The following ZFAND6 variants were observed in gnomAD, a reference collection of about 807,000 sequenced individuals.
ZFAND6 encodes zinc finger AN1-type containing 6.
A neutral mutation model predicts 24.5 loss-of-function variants in ZFAND6; 12 were observed. The ratio of observed to expected loss-of-function variants is 0.49; its 90% CI spans 0.31 to 0.79. The LOEUF (loss-of-function observed/expected upper bound fraction) is 0.79, where lower values mean the gene tolerates loss of function less well. Ranked by LOEUF, ZFAND6 falls within the 30% of genes least tolerant of loss-of-function variation. The pLI is 0.04. For missense variants in ZFAND6, 207 were observed against 245.9 expected, an observed-to-expected ratio of 0.84 and a Z score of 1.06; for synonymous variants, 92 against 81.5, an observed-to-expected ratio of 1.13 and a Z score of -0.69.
At chr15:80,089,613 G>A (rs762374523) in intron 1 of ZFAND6, among the ~76,000 whole-genome samples, 6 of 152,006 alleles carry the variant, frequency 3.9e-5, no homozygotes, top group Non-Finnish European at 4.4e-5. Context: ...AAATGAATAT[G>A]TAATCTCTGC....
chr15:80,106,715 TG>T, intron 2 of ZFAND6, among the ~76,000 whole-genome samples: 1 of 152,150 alleles, frequency 6.6e-6, no homozygotes, highest in East Asian at 1.9e-4. Context: ...TCTGAATTTG[TG>T]TAGGTATCTT....
At chr15:80,129,188 G>A (rs1177631609) in intron 5 of ZFAND6, among the ~76,000 whole-genome samples, 1 of 152,282 alleles carries the variant, frequency 6.6e-6, no homozygotes, top group East Asian at 1.9e-4. Flanking sequence ...CCCTCTTGGA[G>A]CTTACATTCT....
chr15:80,087,685 G>A (rs1210953966), intron 1 of ZFAND6, among the ~76,000 whole-genome samples: 1 of 151,960 alleles, frequency 6.6e-6, no homozygotes, highest in African/African-American at 2.4e-5. Flanking sequence ...GTTTTGTTTT[G>A]ACACTACTAT....
chr15:80,129,665 C>G (rs903770840), intron 5 of ZFAND6: 1 of 152,116 alleles, frequency 6.6e-6, no homozygotes, highest in African/African-American at 2.4e-5. Flanking sequence ...TAAATAGGAC[C>G]GATGTCTCCC....
At chr15:80,101,704 A>C (rs1249076504) in intron 2 of ZFAND6, among the ~76,000 whole-genome samples, 1 of 151,742 alleles carries the variant, frequency 6.6e-6, no homozygotes, top group Non-Finnish European at 1.5e-5. Context: ...ATATAACTCC[A>C]CCAAGAAAGA....
At chr15:80,080,063 A>G (rs1353233951) in intron 1 of ZFAND6, among the ~76,000 whole-genome samples, 9 of 150,638 alleles carry the variant, frequency 6.0e-5, no homozygotes, top group East Asian at 5.9e-4. Context: ...CAGTGGTGCA[A>G]TCTCCAGTCA....
chr15:80,118,772 T>A (rs890462213), intron 2 of ZFAND6, among the ~76,000 whole-genome samples: 2 of 152,002 alleles, frequency 1.3e-5, no homozygotes, highest in Admixed American at 1.3e-4. Context: ...TTTTTTTTTT[T>A]AAAGGCAGCT....
intron 6 of ZFAND6, among the ~76,000 whole-genome samples, chr15:80,135,891 A>G (rs971070042): frequency 6.6e-6 from 1 of 152,264 alleles, no homozygotes; most frequent in Non-Finnish European, 1.5e-5. Flanking sequence ...TGGGAGGCCA[A>G]GGTGGGAGGA....
intron 3 of ZFAND6, 125 bp from the exon 4 acceptor site, chr15:80,121,587 A>T (rs1481213106): frequency 1.6e-6 from 1 of 621,988 alleles, no homozygotes; most frequent in Non-Finnish European, 2.5e-6. Flanking sequence ...ATGAACCAAC[A>T]TACTACATAT....
At chr15:80,130,672 T>C (rs892940124) in intron 5 of ZFAND6, 1 of 152,562 alleles carries the variant, frequency 6.6e-6, no homozygotes, top group African/African-American at 2.4e-5. Context: ...ATTTGCCTTA[T>C]TTCTAACATT....
At chr15:80,063,213 A>G (rs1596166279) in intron 1 of ZFAND6, among the ~76,000 whole-genome samples, 1 of 152,322 alleles carries the variant, frequency 6.6e-6, no homozygotes, top group East Asian at 1.9e-4. Context: ...TGGTAGCCAC[A>G]TTATGAAAAA....
chr15:80,066,353 C>T (rs1596175702), intron 1 of ZFAND6, among the ~76,000 whole-genome samples: 1 of 151,604 alleles, frequency 6.6e-6, no homozygotes, highest in South Asian at 2.1e-4. Context: ...CACTCTGTTG[C>T]CCAGGCTGGA....
At position 80,127,983 on chromosome 15, in the gene ZFAND6, G is replaced by A. The variant is rs147872715; in HGVS notation, c.365-3197G>A. Among the ~76,000 whole-genome samples, 21 of 152,266 alleles carry A rather than the reference G, an allele frequency of 1.4e-4. 1 individual carries two copies. The East Asian group carries it at 2.5e-3, about 18-fold the overall frequency. On this transcript the variant is annotated intron_variant, in intron 5 of 6. Coordinates refer to ENST00000261749, the MANE Select transcript of ZFAND6 (RefSeq NM_019006.4). ...GGATAAAAAAAAATGTGGTATATCC[G>A]TACAGTAGAATATTCAGTCACAAAG... is the stretch of plus-strand genomic sequence containing the variant.
intron 1 of ZFAND6, chr15:80,073,245 A>G (rs1012792028): frequency 1.1e-5 from 3 of 269,946 alleles, no homozygotes; most frequent in Non-Finnish European, 2.3e-5. Context: ...ACTTCATTCA[A>G]ACTCTTCATT....
intron 1 of ZFAND6, chr15:80,075,151 GA>G (rs1187677400): frequency 6.5e-6 from 1 of 153,158 alleles, no homozygotes; most frequent in African/African-American, 2.4e-5. Flanking sequence ...TTTATTGTTT[GA>G]TTTTTTTTCA....
At chr15:80,125,521 G>A (rs1428971423) in intron 5 of ZFAND6, among the ~76,000 whole-genome samples, 2 of 152,088 alleles carry the variant, frequency 1.3e-5, no homozygotes, top group Non-Finnish European at 2.9e-5. Flanking sequence ...CTTTCATATT[G>A]GCCACATGGC....
chr15:80,137,470 C>G lies in ZFAND6; in HGVS notation c.479-10C>G, dbSNP rs1159861294. 3 of 1,600,246 alleles carry G rather than the reference C, an allele frequency of 1.9e-6. No homozygotes were observed. In the Admixed American group the frequency reaches 5.4e-5, roughly 29 times the overall value. Reference sequence around the variant, plus strand: ...CTTCAACTCATGTATGTGTATTACTCCATTTCCAGGGTTTGAATGCCGGTG... The same window carrying G: ...CTTCAACTCATGTATGTGTATTACTGCATTTCCAGGGTTTGAATGCCGGTG... On this transcript the variant is annotated splice_polypyrimidine_tract_variant and intron_variant, in intron 6 of 6. Transcript: ENST00000261749.
chr15:80,095,308 G>A (rs1187234157), intron 1 of ZFAND6, among the ~76,000 whole-genome samples: 1 of 152,180 alleles, frequency 6.6e-6, no homozygotes, highest in African/African-American at 2.4e-5. Flanking sequence ...TGGCAGGAAT[G>A]TTACACTTGT....
intron 2 of ZFAND6, among the ~76,000 whole-genome samples, chr15:80,103,721 C>T (rs2039157834): frequency 6.6e-6 from 1 of 152,236 alleles, no homozygotes; most frequent in South Asian, 2.1e-4. Context: ...TCTGCCTTCT[C>T]AGTCTGCTTT....
Sources: allele counts gnomAD v4.1 joint callset (sites outside exome capture counted in the v4.1 genomes callset), GRCh38; gene constraint gnomAD v4.1.1; transcripts MANE v1.5; gene names NCBI Gene and HGNC (gene_info 2026-07-23, HGNC 2026-07-21).